SEMA4D: variants seen among roughly 807,000 people sequenced by gnomAD.
SEMA4D encodes the protein semaphorin 4D.
Under a neutral mutation model 74.8 loss-of-function variants are expected in SEMA4D, and 22 were observed. The observed-to-expected ratio is 0.29, with a 90% CI of 0.21 to 0.42. The LOEUF (loss-of-function observed/expected upper bound fraction) is 0.42, where lower values mean the gene tolerates loss of function less well. Among genes scored for constraint, SEMA4D ranks in the 10% least tolerant of loss-of-function variants. The pLI, the probability that SEMA4D is intolerant of heterozygous loss-of-function variation, is 1.00. For synonymous variants in SEMA4D, 445 were observed against 463.7 expected, an observed-to-expected ratio of 0.96 and a Z score of 0.52; for missense variants, 937 against 1,118.4, an observed-to-expected ratio of 0.84 and a Z score of 2.31.
intron 2 of SEMA4D, among the ~76,000 whole-genome samples, chr9:89,440,272 C>T (rs962686482): frequency 2.0e-5 from 3 of 152,194 alleles, no homozygotes; most frequent in Non-Finnish European, 4.4e-5. Context: ...CAACGCCTTC[C>T]CTCCCATTCC....
Position 89,381,291 on chromosome 9 carries a change from G to T in SEMA4D, c.1502C>A (p.Ala501Asp), listed in dbSNP as rs779339843. Residue 501 changes from alanine to aspartate, a missense_variant, in exon 14 of 16, where the codon GCC becomes GAC. Ala to Asp is a moderately radical substitution (Grantham distance 126). Transcript: ENST00000422704. The surrounding 1 kb of genome is among the most constrained non-coding windows in gnomAD (Gnocchi z 4.6). ...GCAGGTGCCGTGCTTCCCACAGAAGGCCAGCGGGGCCTGGACCACGCCCGA... is the reference window on the plus strand; with the variant it reads ...GCAGGTGCCGTGCTTCCCACAGAAGTCCAGCGGGGCCTGGACCACGCCCGA... ...SNSGVVQAPL[A>D]FCGKHGTCED... The T allele has an allele frequency of 1.3e-6, 2 of 1,571,446 alleles. No individual in the cohort carries two copies. The highest frequency in any genetic ancestry group is 4.6e-5 in the East Asian group (2 of 43,100).
chr9:89,363,579 C>A, intron 17 of SEMA4D: 1 of 1,608,734 alleles, frequency 6.2e-7, no homozygotes, highest in Admixed American at 1.7e-5. Flanking sequence ...CTTTATGGCA[C>A]CCTTGATGCC....
At chr9:89,372,005 GT>G in intron 16 of SEMA4D, among the ~76,000 whole-genome samples, 1 of 123,872 alleles carries the variant, frequency 8.1e-6, no homozygotes, top group Non-Finnish European at 1.7e-5. Flanking sequence ...TGTGTCTGGG[GT>G]GTGGTGTGTG....
At chr9:89,373,202 C>T (rs182879190), downstream of SEMA4D, among the ~76,000 whole-genome samples, 27 of 152,310 alleles carry the variant, frequency 1.8e-4, no homozygotes, top group East Asian at 4.6e-3. Flanking sequence ...TCACCTCCAC[C>T]GCACCCCACG....
At chr9:89,434,360 A>C (rs2134782399) in intron 2 of SEMA4D, among the ~76,000 whole-genome samples, 1 of 152,336 alleles carries the variant, frequency 6.6e-6, no homozygotes, top group Middle Eastern at 3.4e-3. Context: ...ATCTCCACTG[A>C]GACCTTTGTC....
At chr9:89,491,133 G>T (rs1825593228) in intron 1 of SEMA4D, among the ~76,000 whole-genome samples, 1 of 152,212 alleles carries the variant, frequency 6.6e-6, no homozygotes, top group South Asian at 2.1e-4. Flanking sequence ...CCTCTAGTGG[G>T]ACTCCACGTG....
intron 16 of SEMA4D, chr9:89,368,411 C>T (rs1834020807): frequency 6.5e-6 from 1 of 153,140 alleles, no homozygotes; most frequent in Non-Finnish European, 1.5e-5. Context: ...CCACTGCTTC[C>T]CTGGCCCATC....
intron 5 of SEMA4D, among the ~76,000 whole-genome samples, chr9:89,398,398 C>T (rs1203100223): frequency 6.6e-6 from 1 of 152,084 alleles, no homozygotes; most frequent in East Asian, 1.9e-4. Flanking sequence ...CGTCCTGTTC[C>T]CTCTCAAGCT....
At chr9:89,384,182 T>C (rs7036039) in intron 13 of SEMA4D, among the ~76,000 whole-genome samples, 41,722 of 152,084 alleles carry the variant, frequency 0.27, 6,126 homozygotes, top group African/African-American at 0.37. Flanking sequence ...TTGAGGTATC[T>C]GCACACCCAC....
Sources: gnomAD v4.1 joint callset for allele counts (sites outside exome capture counted in the v4.1 genomes callset) on GRCh38, gnomAD v4.1.1 for gene constraint, Gnocchi (gnomAD v3.1) non-coding constraint, MANE v1.5 for transcripts, NCBI Gene and HGNC (gene_info 2026-07-23, HGNC 2026-07-21) for gene names.